Variants in NDRG2 observed in about 807,000 individuals in gnomAD.
NDRG2 encodes protein NDRG2.
NDRG2 carries 34 observed loss-of-function variants against 58.2 expected under a neutral mutation model. The ratio of observed to expected loss-of-function variants is 0.58; its 90% CI spans 0.44 to 0.78. The LOEUF (loss-of-function observed/expected upper bound fraction) is 0.78, where lower values mean the gene tolerates loss of function less well. NDRG2 is among the 30% of genes least tolerant of loss of function. The probability of loss-of-function intolerance (pLI) is 0.00; values close to 1 mark genes in which losing one functional copy is unlikely to be tolerated. For synonymous variants in NDRG2, 187 were observed against 175.9 expected, an observed-to-expected ratio of 1.06 and a Z score of -0.50; for missense variants, 434 against 471.2, an observed-to-expected ratio of 0.92 and a Z score of 0.73.
intron 14 of NDRG2, 49 bp downstream of exon 14, chr14:21,018,155 C>A (rs750423175): frequency 8.7e-6 from 14 of 1,610,332 alleles, no homozygotes; most frequent in Non-Finnish European, 1.2e-5. Flanking sequence ...CCCAGTGCCA[C>A]CGGTATCCTA....
chr14:21,054,927 T>G (rs1163141996), intron 1 of NDRG2, among the ~76,000 whole-genome samples: 3 of 152,096 alleles, frequency 2.0e-5, no homozygotes, highest in Non-Finnish European at 4.4e-5. Context: ...TGGTAGCATC[T>G]CTTTCCTCCT....
Position 21,016,871 on chromosome 14 carries a change from T to C in NDRG2, c.*725A>G, listed in dbSNP as rs1191595732. On this transcript the variant is annotated 3_prime_UTR_variant, in exon 16 of 16. Coordinates refer to ENST00000556147, the MANE Select transcript of NDRG2 (RefSeq NM_001320329.2). The stretch of plus-strand genomic sequence containing the variant: ...TGTGGTCAGAGCCCCAGGGTAGCCC[T>C]TTCCACCCTATGCCAAGCCCCAAGC... 4.4e-6 allele frequency: 2 copies of C among 456,512 alleles called. No individual in the cohort carries two copies. Among genetic ancestry groups the C allele is most frequent in the South Asian group, 1.5e-5 (1 of 64,548 alleles). 28.3% of individuals were successfully genotyped at this position (456,512 alleles called of 1,614,324 possible). A position where few individuals can be genotyped will look rare whatever the true frequency, so the allele number is the denominator to read the frequency against.
intron 8 of NDRG2, 93 bp from the exon 9 acceptor site, chr14:21,020,069 G>C: frequency 8.5e-7 from 1 of 1,170,640 alleles, no homozygotes; most frequent in Non-Finnish European, 1.3e-6. Context: ...GCCGAGGCGG[G>C]TGGATCACGA....
Position 21,022,494 on chromosome 14 carries a change from G to A in NDRG2, c.121C>T (p.His41Tyr). ...GAGCCGTATGGTGTCTCCACAGAGT[G>A]AGTCTGCAGGAAAACAGGGCACCAA... The part of the protein sequence containing the change: ...ARILLDQGQT[H>Y]SVETPYGSVT... The change falls in exon 4 of 16, where the codon CAC becomes TAC. Residue 41 changes from histidine to tyrosine, a missense_variant. Physicochemically the swap from His to Tyr is moderately conservative, Grantham distance 83 (BLOSUM62 2). Coordinates refer to ENST00000556147, the MANE Select transcript of NDRG2 (RefSeq NM_001320329.2). The A allele has an allele frequency of 6.2e-7, 1 of 1,611,978 alleles. No homozygotes were observed. The highest frequency in any genetic ancestry group is 8.5e-7 in the Non-Finnish European group (1 of 1,178,160).
At position 21,070,366 on chromosome 14, in the gene NDRG2, C is replaced by T. The variant is rs1886612168; in HGVS notation, c.24+462G>A. ...GGCGCGCCCGGCCCCGCCCGCCCGA[C>T]CAAGCGTCGGACGCGGCCCGGCGCC... On this transcript the variant is annotated intron_variant, in intron 1 of 14. Coordinates refer to the NDRG2 transcript ENST00000403829. The surrounding 1 kb of genome is among the most constrained non-coding windows in gnomAD (Gnocchi z 4.7). 1 of 1,407,456 alleles carries T rather than the reference C, an allele frequency of 7.1e-7. No individual in the cohort carries two copies. Among genetic ancestry groups the T allele is most frequent in the Non-Finnish European group, 9.2e-7 (1 of 1,088,286 alleles). The allele number at this position is 1,407,456 out of a possible 1,614,324, so 87.2% of individuals were successfully genotyped here. A position where few individuals can be genotyped will look rare whatever the true frequency, so the allele number is the denominator to read the frequency against.
At chr14:21,031,808 T>C (rs1884191075) in intron 1 of NDRG2, 1 of 1,461,724 alleles carries the variant, frequency 6.8e-7, no homozygotes, top group South Asian at 1.3e-5. Context: ...AAGCACTTGT[T>C]CTAAGTATCT....
rs994854617 is a variant in NDRG2, at chr14:21,053,430, A to C, written c.24+17398T>G. 2.6e-5 allele frequency among the ~76,000 whole-genome samples: 4 copies of C among 152,174 alleles called. No individual in the cohort carries two copies. In the East Asian group the frequency reaches 5.8e-4, roughly 22 times the overall value. ...CTCATGAGGTCAGGAGTTCGAGACC[A>C]GCCTGGCCAAGATGGTGAAACCCCA... is the stretch of plus-strand genomic sequence containing the variant. On this transcript the variant is annotated intron_variant, in intron 1 of 14. Coordinates refer to the NDRG2 transcript ENST00000403829.
At chr14:21,065,139 C>G (rs141438633) in intron 1 of NDRG2, among the ~76,000 whole-genome samples, 1 of 151,876 alleles carries the variant, frequency 6.6e-6, no homozygotes, top group South Asian at 2.1e-4. Flanking sequence ...CCACTGCACT[C>G]CAGCCTGGGC....
chr14:21,017,828 G>A (rs993388736), intron 15 of NDRG2, 66 bp from the exon 16 acceptor site: 11 of 1,605,672 alleles, frequency 6.9e-6, no homozygotes, highest in Middle Eastern at 1.7e-4. Context: ...GGCGACTCAG[G>A]GTGTGGTCCT....
At chr14:21,027,929 A>G (rs1261328021), upstream of NDRG2, among the ~76,000 whole-genome samples, 2 of 152,244 alleles carry the variant, frequency 1.3e-5, no homozygotes, top group East Asian at 3.8e-4. Flanking sequence ...GTTTGGAGGC[A>G]GAAACATTCA....
Position 21,037,159 on chromosome 14 carries a change from A to G in NDRG2, c.25-13838T>C, listed in dbSNP as rs1269148207. On this transcript the variant is annotated intron_variant, in intron 1 of 14. Transcript: ENST00000403829. ...CCACTCACTTCTGCCGCACAATTAC[A>G]GAAACTGAACAGCACATTATAGAGG... 2.0e-5 allele frequency among the ~76,000 whole-genome samples: 3 copies of G among 152,222 alleles called. No individual in the cohort carries two copies. In the East Asian group the frequency reaches 5.8e-4, roughly 29 times the overall value.
chr14:21,053,797 C>T (rs147599917), intron 1 of NDRG2, among the ~76,000 whole-genome samples: 2,325 of 151,976 alleles, frequency 0.015, 29 homozygotes, highest in Middle Eastern at 0.024. Context: ...GAGCAAGACC[C>T]TGCCTTAAAA....
At chr14:21,057,930 T>C (rs1359827562) in intron 1 of NDRG2, 1 of 1,614,114 alleles carries the variant, frequency 6.2e-7, no homozygotes, top group South Asian at 1.1e-5. Flanking sequence ...CCCCTGCTGC[T>C]GCTGCTTCTG....
intron 1 of NDRG2, among the ~76,000 whole-genome samples, chr14:21,035,397 C>G (rs529017101): frequency 1.3e-5 from 2 of 152,320 alleles, no homozygotes; most frequent in East Asian, 3.9e-4. Flanking sequence ...GTTTGCCATG[C>G]TGGGGAAAGG....
upstream of NDRG2, chr14:21,025,889 G>A (rs1449429160): frequency 1.8e-5 from 4 of 216,466 alleles, no homozygotes; most frequent in Non-Finnish European, 3.2e-5. This position sits in a 1 kb window ranked among gnomAD's most constrained non-coding sequence, Gnocchi z 5.1. Context: ...ACCCCCAGAG[G>A]CTCTGACTCC....
At position 21,018,044 on chromosome 14, in the gene NDRG2, G is replaced by A; in HGVS notation, c.898-6C>T. 6.2e-7 allele frequency: 1 copy of A among 1,613,862 alleles called. No individual in the cohort carries two copies. Among genetic ancestry groups the A allele is most frequent in the South Asian group, 1.1e-5 (1 of 91,080 alleles). On this transcript the variant is annotated splice_polypyrimidine_tract_variant and splice_region_variant and intron_variant, in intron 14 of 15. Coordinates refer to ENST00000556147, the MANE Select transcript of NDRG2 (RefSeq NM_001320329.2). ...GCCTCGGTCAGCTTGCCTGGCTGCG[G>A]AAGTAAGAAGAGGCGAGGGAGACGG...
intron 1 of NDRG2, among the ~76,000 whole-genome samples, chr14:21,049,944 T>C (rs1009678150): frequency 6.6e-6 from 1 of 152,070 alleles, no homozygotes; most frequent in African/African-American, 2.4e-5. Flanking sequence ...GCCCGGCTAA[T>C]TTTTGTATTT....
chr14:21,053,743 A>G (rs1258919609), intron 1 of NDRG2, among the ~76,000 whole-genome samples: 1 of 152,124 alleles, frequency 6.6e-6, no homozygotes, highest in Non-Finnish European at 1.5e-5. Context: ...TGTAGAAACT[A>G]CAGGGAGCCA....
At chr14:21,028,072 T>G (rs1209267250), upstream of NDRG2, among the ~76,000 whole-genome samples, 1 of 152,152 alleles carries the variant, frequency 6.6e-6, no homozygotes, top group Admixed American at 6.5e-5. Context: ...CCAAGTCCAC[T>G]CAGCTAGTAA....
Sources: gnomAD v4.1 joint callset for allele counts (sites outside exome capture counted in the v4.1 genomes callset) on GRCh38, gnomAD v4.1.1 for gene constraint, Gnocchi (gnomAD v3.1) non-coding constraint, MANE v1.5 for transcripts, NCBI Gene and HGNC (gene_info 2026-07-23, HGNC 2026-07-21) for gene names.